TBC1D2B: variants seen among roughly 807,000 people sequenced by gnomAD.
The protein encoded by TBC1D2B is TBC1 domain family, member 2B.
In TBC1D2B, 64 loss-of-function variants were observed where a neutral mutation model predicts 100.8. The ratio of observed to expected loss-of-function variants is 0.64; its 90% CI spans 0.52 to 0.78. TBC1D2B has a LOEUF of 0.78. Among genes scored for constraint, TBC1D2B ranks in the 30% least tolerant of loss-of-function variants. The probability of loss-of-function intolerance (pLI) is 0.00; values close to 1 mark genes in which losing one functional copy is unlikely to be tolerated. For missense variants in TBC1D2B, 1,052 were observed against 1,218.4 expected (o/e 0.86, Z 2.03); for synonymous variants, 480 against 479.7 (o/e 1.00, Z -0.01).
intron 3 of TBC1D2B, among the ~76,000 whole-genome samples, chr15:78,035,830 C>A (rs768318028): frequency 6.6e-6 from 1 of 152,174 alleles, no homozygotes; most frequent in African/African-American, 2.4e-5. Flanking sequence ...TTCCTATAAC[C>A]GAATTCTGTT....
In TBC1D2B at chr15:78,024,511, A is replaced by C; in HGVS notation, c.1115T>G (p.Val372Gly). 6.2e-7 allele frequency: 1 copy of C among 1,613,532 alleles called. No individual in the cohort carries two copies. The highest frequency in any genetic ancestry group is 8.5e-7 in the Non-Finnish European group (1 of 1,179,580). Reference sequence around the variant, plus strand: ...ATACTTGTCATACTGGGATGACCGGACTGTCTGCTGGAGCAGTCGAACAAG... The same window carrying C: ...ATACTTGTCATACTGGGATGACCGGCCTGTCTGCTGGAGCAGTCGAACAAG... ...KELVRLLQQT[V>G]RSSQYDKYFT... The change falls in exon 6 of 13, where the codon GTC becomes GGC. Residue 372 changes from valine (V) to glycine (G), a missense_variant. Val to Gly is a moderately radical substitution (Grantham distance 109). Transcript: ENST00000300584.
chr15:78,017,815 C>T, intron 7 of TBC1D2B, 32 bp downstream of exon 7: 1 of 1,413,914 alleles, frequency 7.1e-7, no homozygotes, highest in Non-Finnish European at 9.9e-7. Context: ...TTACCTCCCA[C>T]CAGGTAATAG....
At chr15:78,040,699 G>A (rs2073059500) in intron 3 of TBC1D2B, among the ~76,000 whole-genome samples, 2 of 128,822 alleles carry the variant, frequency 1.6e-5, no homozygotes, top group African/African-American at 5.7e-5. Context: ...GAAAGGGGGG[G>A]AGGGAGGGAG....
intron 11 of TBC1D2B, 185 bp downstream of exon 11, chr15:78,003,120 C>T: frequency 5.3e-6 from 3 of 566,692 alleles, no homozygotes; most frequent in Admixed American, 3.0e-5. Flanking sequence ...GTTTCTGATA[C>T]ATGAACAAAT....
chr15:78,019,047 G>A (rs1292547273), intron 6 of TBC1D2B, among the ~76,000 whole-genome samples: 3 of 152,026 alleles, frequency 2.0e-5, no homozygotes, highest in East Asian at 1.9e-4. Flanking sequence ...GCAGGCCAGG[G>A]TAGTCAAGAC....
In TBC1D2B at chr15:78,003,375, A is replaced by G. The variant is rs575402877; in HGVS notation, c.2504T>C (p.Val835Ala). ...TLITFNWFLV[V>A]FVDSVVSDIL... ...GTCACTAACGACACTATCCACAAAT[A>G]CCACCAGAAACCAGTTGAAAGTGAT... Residue 835 changes from valine (V) to alanine (A), a missense_variant, in exon 11 of 13, where the codon GTA (valine) becomes GCA (alanine). Around this residue, in one of 4 missense-constraint regions of TBC1D2B, gnomAD observed 373 missense variants for 464.9 expected, o/e 0.80. Transcript: ENST00000300584. 5.6e-6 allele frequency: 9 copies of G among 1,613,932 alleles called. No homozygotes were observed. In the East Asian group the frequency reaches 1.6e-4, roughly 28 times the overall value.
At chr15:78,044,497 G>A (rs990063965) in intron 3 of TBC1D2B, among the ~76,000 whole-genome samples, 1 of 152,156 alleles carries the variant, frequency 6.6e-6, no homozygotes, top group African/African-American at 2.4e-5. Context: ...ACAGAGAATG[G>A]AAATCCAGAG....
intron 12 of TBC1D2B, among the ~76,000 whole-genome samples, chr15:78,000,478 A>G (rs12911332): frequency 0.52 from 79,402 of 152,214 alleles, 21,940 homozygotes; most frequent in East Asian, 0.64. Flanking sequence ...CTCCAGGCTC[A>G]CCGCAGGACT....
chr15:78,044,675 AATT>A, intron 3 of TBC1D2B, among the ~76,000 whole-genome samples: 1 of 152,334 alleles, frequency 6.6e-6, no homozygotes, highest in Non-Finnish European at 1.5e-5. Context: ...AGAGTTGAGC[AATT>A]AAATTAAACC....
chr15:78,045,953 C>T (rs569223767), intron 2 of TBC1D2B, among the ~76,000 whole-genome samples: 2 of 151,644 alleles, frequency 1.3e-5, no homozygotes, highest in Admixed American at 6.6e-5. Flanking sequence ...CCCCCATAGA[C>T]GGAGTTTTGC....
At chr15:78,066,368 T>G (rs1000073014) in intron 1 of TBC1D2B, among the ~76,000 whole-genome samples, 1 of 152,188 alleles carries the variant, frequency 6.6e-6, no homozygotes, top group African/African-American at 2.4e-5. Context: ...GCCACCATCA[T>G]ACAGGGTCAG....
At chr15:78,012,769 G>T in intron 9 of TBC1D2B, 54 bp downstream of exon 9, 1 of 1,392,264 alleles carries the variant, frequency 7.2e-7, no homozygotes, top group South Asian at 2.2e-5. Flanking sequence ...AGGCAGCACC[G>T]GTGCCTACAA....
chr15:78,040,327 G>A (rs140216007), intron 3 of TBC1D2B, among the ~76,000 whole-genome samples: 1 of 152,164 alleles, frequency 6.6e-6, no homozygotes, highest in Non-Finnish European at 1.5e-5. Flanking sequence ...CACCTGTAAA[G>A]GTGTATGTAA....
At chr15:78,067,506 G>A (rs1038197599) in intron 1 of TBC1D2B, among the ~76,000 whole-genome samples, 1 of 152,144 alleles carries the variant, frequency 6.6e-6, no homozygotes, top group African/African-American at 2.4e-5. Flanking sequence ...ATGAATACTG[G>A]GCTTGCTGCC....
At position 78,030,185 on chromosome 15, in the gene TBC1D2B, AAT is replaced by A. The variant is rs760880990; in HGVS notation, c.684-17_684-16del. The A allele has an allele frequency of 1.9e-5, 30 of 1,603,006 alleles. No individual in the cohort carries two copies. The highest frequency in any genetic ancestry group is 2.5e-5 in the Non-Finnish European group (29 of 1,174,898). ...ACATCGAATTCCTGTTGGGAAAAAC[AAT>A]ATGTGTTATTAACAAAAACAAAAGT... On this transcript the variant is annotated splice_polypyrimidine_tract_variant and intron_variant, in intron 3 of 12. Coordinates refer to ENST00000300584, the MANE Select transcript of TBC1D2B (RefSeq NM_144572.2).
intron 6 of TBC1D2B, 37 bp downstream of exon 6, chr15:78,024,119 C>A: frequency 6.4e-7 from 1 of 1,572,888 alleles, no homozygotes; most frequent in Non-Finnish European, 8.6e-7. Flanking sequence ...TCGGTGGTCT[C>A]TCATGCCAAT....
intron 1 of TBC1D2B, among the ~76,000 whole-genome samples, chr15:78,065,082 T>C (rs1301162545): frequency 6.6e-6 from 1 of 152,188 alleles, no homozygotes; most frequent in Non-Finnish European, 1.5e-5. Context: ...GGGCAGTCAT[T>C]CCCTGGGAAG....
intron 4 of TBC1D2B, 98 bp from the exon 5 acceptor site, chr15:78,025,595 C>T (rs910683348): frequency 4.5e-6 from 4 of 891,634 alleles, no homozygotes; most frequent in Non-Finnish European, 4.8e-6. Flanking sequence ...GGCGCAATGT[C>T]GGCTCACTGT....
intron 1 of TBC1D2B, among the ~76,000 whole-genome samples, chr15:78,055,684 G>A (rs776416546): frequency 6.6e-6 from 1 of 152,200 alleles, no homozygotes; most frequent in Non-Finnish European, 1.5e-5. Context: ...TAAAGAAAAG[G>A]ATCTTTGGGT....
Sources: allele counts gnomAD v4.1 joint callset (sites outside exome capture counted in the v4.1 genomes callset), GRCh38; gene constraint gnomAD v4.1.1; regional missense constraint gnomAD v4.1.1; transcripts MANE v1.5; gene names NCBI Gene and HGNC (gene_info 2026-07-23, HGNC 2026-07-21).